The following NDUFAF6 variants were observed in gnomAD, a reference collection of about 807,000 sequenced individuals.
NDUFAF6 encodes the protein NADH dehydrogenase (ubiquinone) complex I, assembly factor 6.
NDUFAF6 carries 45 observed loss-of-function variants against 40.8 expected under a neutral mutation model. The observed-to-expected ratio is 1.10, with a 90% CI of 0.87 to 1.42. NDUFAF6 has a LOEUF of 1.42. Ranked by LOEUF, NDUFAF6 falls within the 40% of genes most tolerant of loss-of-function variation. The probability of loss-of-function intolerance (pLI) is 0.00; values close to 1 mark genes in which losing one functional copy is unlikely to be tolerated. For missense variants in NDUFAF6, 435 were observed against 418.5 expected, an observed-to-expected ratio of 1.04 and a Z score of -0.34; for synonymous variants, 185 against 155.9, an observed-to-expected ratio of 1.19 and a Z score of -1.39.
At chr8:95,036,837 A>T (rs1324956745) in intron 3 of NDUFAF6, among the ~76,000 whole-genome samples, 2 of 152,194 alleles carry the variant, frequency 1.3e-5, no homozygotes, top group Admixed American at 6.5e-5. Flanking sequence ...TTAAATTTTG[A>T]TGGTTAATGT....
chr8:94,974,873 T>C (rs471691), intron 1 of NDUFAF6: 4,938 of 152,650 alleles, frequency 0.032, 117 homozygotes, highest in Middle Eastern at 0.064. Context: ...CCTGTCCAGC[T>C]AGAGGCGTGG....
intron 1 of NDUFAF6, among the ~76,000 whole-genome samples, chr8:94,973,760 C>G (rs1043891089): frequency 6.6e-6 from 1 of 151,012 alleles, no homozygotes; most frequent in Non-Finnish European, 1.5e-5. Flanking sequence ...TGGCTCACAC[C>G]TGCAAACCCA....
At chr8:95,007,963 A>G (rs1827074745) in intron 2 of NDUFAF6, among the ~76,000 whole-genome samples, 1 of 152,110 alleles carries the variant, frequency 6.6e-6, no homozygotes, top group Non-Finnish European at 1.5e-5. Context: ...AGCTCAAGCA[A>G]TCCTCCCACC....
At chr8:94,977,241 G>A (rs907377173) in intron 1 of NDUFAF6, among the ~76,000 whole-genome samples, 40 of 152,020 alleles carry the variant, frequency 2.6e-4, no homozygotes, top group African/African-American at 8.7e-4. Context: ...GCCGGGTGCA[G>A]TGGCTCATGC....
chr8:95,031,905 G>A, intron 1 of NDUFAF6, 90 bp from the exon 2 acceptor site: 3 of 1,315,830 alleles, frequency 2.3e-6, no homozygotes, highest in South Asian at 1.2e-5. Context: ...CCAACTTGAA[G>A]CCTTTTTGTT....
intron 2 of NDUFAF6, among the ~76,000 whole-genome samples, chr8:95,014,395 G>C (rs1477577256): frequency 6.6e-6 from 1 of 152,196 alleles, no homozygotes; most frequent in East Asian, 1.9e-4. Flanking sequence ...ACCAAGTCAG[G>C]GTACCTGATG....
At chr8:95,098,065 G>A (rs969004297), upstream of NDUFAF6, among the ~76,000 whole-genome samples, 13 of 152,190 alleles carry the variant, frequency 8.5e-5, no homozygotes, top group Non-Finnish European at 1.8e-4. Flanking sequence ...GTTGAGAGCA[G>A]CTCATGTCTT....
chr8:94,990,144 C>T (rs1826131367), intron 2 of NDUFAF6, among the ~76,000 whole-genome samples: 1 of 152,180 alleles, frequency 6.6e-6, no homozygotes, highest in Non-Finnish European at 1.5e-5. Context: ...GATCTTAAGG[C>T]TTGGTCTAGT....
chr8:94,939,175 G>T (rs1282568730), intron 1 of NDUFAF6, among the ~76,000 whole-genome samples: 1 of 152,182 alleles, frequency 6.6e-6, no homozygotes, highest in Non-Finnish European at 1.5e-5. Context: ...CATTTGATGA[G>T]ATGTAGCTAG....
intron 1 of NDUFAF6, among the ~76,000 whole-genome samples, chr8:94,972,735 TA>T (rs558408157): frequency 5.3e-5 from 7 of 132,732 alleles, no homozygotes; most frequent in Non-Finnish European, 7.8e-5. Context: ...TACTGAAACT[TA>T]AAAAAAAAAA....
intron 2 of NDUFAF6, among the ~76,000 whole-genome samples, chr8:95,093,159 T>C (rs1809325738): frequency 6.6e-6 from 1 of 152,136 alleles, no homozygotes. Context: ...TAACTTGGGT[T>C]CTAGAGTCCG....
chr8:94,899,404 T>C (rs570457180), intron 1 of NDUFAF6, among the ~76,000 whole-genome samples: 1 of 152,228 alleles, frequency 6.6e-6, no homozygotes, highest in Admixed American at 6.5e-5. Context: ...TCATTCCTTT[T>C]TTCTTCTTTT....
chr8:95,079,237 G>T (rs960955846), downstream of NDUFAF6, among the ~76,000 whole-genome samples: 1 of 152,084 alleles, frequency 6.6e-6, no homozygotes, highest in African/African-American at 2.4e-5. Context: ...CTCCCAAAGT[G>T]CTGGGAGCCA....
upstream of NDUFAF6, among the ~76,000 whole-genome samples, chr8:94,956,805 A>T (rs1442393178): frequency 6.6e-6 from 1 of 152,164 alleles, no homozygotes; most frequent in Non-Finnish European, 1.5e-5. Flanking sequence ...TAGTGGACTG[A>T]TGTGAAATGT....
At chr8:94,912,071 T>C (rs1818820329) in intron 1 of NDUFAF6, among the ~76,000 whole-genome samples, 1 of 152,236 alleles carries the variant, frequency 6.6e-6, no homozygotes. Flanking sequence ...CCACCAGATA[T>C]GATTAAACTC....
chr8:95,013,296 G>A (rs1483516590), intron 2 of NDUFAF6, among the ~76,000 whole-genome samples: 1 of 151,974 alleles, frequency 6.6e-6, no homozygotes, highest in African/African-American at 2.4e-5. Flanking sequence ...GTAGAGACAG[G>A]GGTCTTGCTA....
Position 95,032,108 on chromosome 8 carries a change from T to C in NDUFAF6, c.297+14T>C. ...GAACTGGCTCAGGCTGGTATTAAGA[T>C]ACCTTAAAATATTATTTGCGAAATG... On this transcript the variant is annotated intron_variant, in intron 2 of 8. Transcript: ENST00000396124. The C allele has an allele frequency of 6.2e-7, 1 of 1,602,168 alleles. No homozygotes were observed. Among genetic ancestry groups the C allele is most frequent in the East Asian group, 2.2e-5 (1 of 44,820 alleles).
At chr8:94,970,632 C>T (rs1824393761) in intron 1 of NDUFAF6, among the ~76,000 whole-genome samples, 1 of 151,996 alleles carries the variant, frequency 6.6e-6, no homozygotes, top group African/African-American at 2.4e-5. Flanking sequence ...TGCTGAACAC[C>T]AGGAGACTGG....
chr8:95,056,133 C>G (rs1264750423), intron 8 of NDUFAF6, among the ~76,000 whole-genome samples: 1 of 152,144 alleles, frequency 6.6e-6, no homozygotes, highest in Non-Finnish European at 1.5e-5. Context: ...GTACATATTA[C>G]TGTATCTACC....
Sources: allele counts gnomAD v4.1 joint callset (sites outside exome capture counted in the v4.1 genomes callset), GRCh38; gene constraint gnomAD v4.1.1; transcripts MANE v1.5; gene names NCBI Gene and HGNC (gene_info 2026-07-23, HGNC 2026-07-21).